RSRC1: variants seen among roughly 807,000 people sequenced by gnomAD.
RSRC1 encodes the protein serine/Arginine-related protein 53.
Under a neutral mutation model 49.1 loss-of-function variants are expected in RSRC1, and 39 were observed. That is an observed-to-expected ratio of 0.79 (90% CI 0.61 to 1.04). RSRC1 has a LOEUF of 1.04. Among genes scored for constraint, RSRC1 ranks in the 50% least tolerant of loss-of-function variants. The probability of loss-of-function intolerance (pLI) is 0.00; values close to 1 mark genes in which losing one functional copy is unlikely to be tolerated. For missense variants in RSRC1, 388 were observed against 402.4 expected, an observed-to-expected ratio of 0.96 and a Z score of 0.31; for synonymous variants, 143 against 130.8, an observed-to-expected ratio of 1.09 and a Z score of -0.63.
intron 4 of RSRC1, among the ~76,000 whole-genome samples, chr3:158,226,241 G>A (rs750556185): frequency 1.2e-4 from 18 of 151,934 alleles, no homozygotes; most frequent in African/African-American, 1.7e-4. Context: ...AACTCTGACA[G>A]GATCAGCAAG....
At chr3:158,518,919 TATC>T (rs1560074180) in intron 7 of RSRC1, among the ~76,000 whole-genome samples, 2 of 152,226 alleles carry the variant, frequency 1.3e-5, no homozygotes, top group Non-Finnish European at 2.9e-5. Flanking sequence ...CAGGTGAATT[TATC>T]ATTTTTCACT....
intron 6 of RSRC1, among the ~76,000 whole-genome samples, chr3:158,398,477 G>A (rs896121205): frequency 2.0e-5 from 3 of 152,070 alleles, no homozygotes; most frequent in African/African-American, 7.2e-5. Flanking sequence ...GTTCACTGTA[G>A]CTCTTTTATG....
intron 6 of RSRC1, among the ~76,000 whole-genome samples, chr3:158,393,996 T>G (rs1733473443): frequency 6.6e-6 from 1 of 152,114 alleles, no homozygotes; most frequent in Non-Finnish European, 1.5e-5. Context: ...CAAGGTTGAT[T>G]CAGCACATGC....
intron 3 of RSRC1, among the ~76,000 whole-genome samples, chr3:158,195,603 G>GT (rs1410315519): frequency 6.6e-6 from 1 of 152,066 alleles, no homozygotes; most frequent in Non-Finnish European, 1.5e-5. Flanking sequence ...TATTGCCTAG[G>GT]TTTTTTCTAG....
intron 5 of RSRC1, among the ~76,000 whole-genome samples, chr3:158,344,869 T>C (rs1204157426): frequency 1.3e-5 from 2 of 152,088 alleles, no homozygotes; most frequent in East Asian, 3.8e-4. Context: ...GAAGAAATGG[T>C]ATAATGAAGA....
At chr3:158,518,095 CGTGTGTGTGTGTGT>C (rs1263691994) in intron 7 of RSRC1, among the ~76,000 whole-genome samples, 10 of 77,396 alleles carry the variant, frequency 1.3e-4, no homozygotes, top group East Asian at 6.2e-4. Context: ...TAAGTGCGTG[CGTGTGTGTGTGTGT>C]GTGTGTGTGT....
intron 4 of RSRC1, among the ~76,000 whole-genome samples, chr3:158,264,124 T>G (rs1725041680): frequency 2.0e-5 from 3 of 152,322 alleles, no homozygotes; most frequent in South Asian, 4.1e-4. Context: ...AGGTATAAGC[T>G]GAAACCTTGA....
intron 4 of RSRC1, among the ~76,000 whole-genome samples, 157 bp downstream of exon 4, chr3:158,203,402 G>A (rs1366732306): frequency 6.6e-6 from 1 of 151,950 alleles, no homozygotes; most frequent in African/African-American, 2.4e-5. Flanking sequence ...AAGGAAGAAA[G>A]GATAAATCAA....
At chr3:158,509,903 C>A (rs996304841) in intron 7 of RSRC1, among the ~76,000 whole-genome samples, 2 of 152,160 alleles carry the variant, frequency 1.3e-5, no homozygotes, top group African/African-American at 2.4e-5. Context: ...ATACCTCTCT[C>A]CTGGTACACA....
Position 158,470,359 on chromosome 3 carries a change from CACATATATAT to C in RSRC1, c.652+9358_652+9367del, listed in dbSNP as rs1414366154. Among the ~76,000 whole-genome samples the C allele has an allele frequency of 3.1e-3, 293 of 93,290 alleles. 1 individual carries two copies. Among genetic ancestry groups the C allele is most frequent in the African/African-American group, 8.4e-3 (221 of 26,366 alleles). 61.2% of individuals were successfully genotyped at this position (93,290 alleles called of 152,430 possible). A position where few individuals can be genotyped will look rare whatever the true frequency, so the allele number is the denominator to read the frequency against. ...ACACACACACACACACACACACACA[CACATATATAT>C]ATATATATATAAAACCATCTTCAGT... On this transcript the variant is annotated intron_variant, in intron 7 of 9. Coordinates refer to ENST00000611884, the MANE Select transcript of RSRC1 (RefSeq NM_001271838.2).
chr3:158,179,693 A>G (rs979889550), intron 3 of RSRC1, among the ~76,000 whole-genome samples: 27 of 152,282 alleles, frequency 1.8e-4, no homozygotes, highest in Middle Eastern at 3.4e-3. Context: ...AGTTACTATG[A>G]TAATGCATGT....
chr3:158,387,561 A>G (rs138028877), intron 6 of RSRC1, among the ~76,000 whole-genome samples: 1 of 152,290 alleles, frequency 6.6e-6, no homozygotes, highest in East Asian at 1.9e-4. Flanking sequence ...CAGTATTTGC[A>G]CTTAAAATTC....
intron 5 of RSRC1, among the ~76,000 whole-genome samples, chr3:158,331,461 C>A (rs1729539849): frequency 6.6e-6 from 1 of 151,914 alleles, no homozygotes; most frequent in African/African-American, 2.4e-5. Context: ...ACTGTTTTGC[C>A]ATTTTATTTT....
chr3:158,367,726 C>T (rs1414512967), intron 6 of RSRC1, among the ~76,000 whole-genome samples: 2 of 151,874 alleles, frequency 1.3e-5, no homozygotes, highest in Non-Finnish European at 2.9e-5. Context: ...TGAATAAAGC[C>T]TTAAATAGTT....
chr3:158,175,238 A>AT (rs1474155118), intron 3 of RSRC1, among the ~76,000 whole-genome samples: 1 of 151,728 alleles, frequency 6.6e-6, no homozygotes, highest in Non-Finnish European at 1.5e-5. Context: ...CTTTGTTGAT[A>AT]TTATTTCAAA....
intron 4 of RSRC1, among the ~76,000 whole-genome samples, chr3:158,259,265 G>C (rs983172892): frequency 5.3e-5 from 8 of 152,110 alleles, no homozygotes; most frequent in Non-Finnish European, 1.2e-4. Context: ...TATGTCTTTG[G>C]TCATGGCATC....
intron 6 of RSRC1, among the ~76,000 whole-genome samples, chr3:158,392,072 G>A (rs924349392): frequency 3.3e-5 from 5 of 152,024 alleles, no homozygotes; most frequent in South Asian, 2.1e-4. Context: ...TTTGTGAAAC[G>A]TTCTTTAAGA....
chr3:158,361,407 G>T (rs562533157), intron 6 of RSRC1, among the ~76,000 whole-genome samples: 1 of 152,122 alleles, frequency 6.6e-6, no homozygotes, highest in Admixed American at 6.5e-5. Context: ...GGGCCTTGGG[G>T]CGGGTCTCAA....
At chr3:158,384,394 T>C (rs1411943049) in intron 6 of RSRC1, among the ~76,000 whole-genome samples, 1 of 152,074 alleles carries the variant, frequency 6.6e-6, no homozygotes, top group Non-Finnish European at 1.5e-5. Context: ...AGATTATAGA[T>C]TGTGCCTCAG....
Sources: allele counts gnomAD v4.1 joint callset (sites outside exome capture counted in the v4.1 genomes callset), GRCh38; gene constraint gnomAD v4.1.1; transcripts MANE v1.5; gene names NCBI Gene and HGNC (gene_info 2026-07-23, HGNC 2026-07-21).